The following SLCO3A1 variants were observed in gnomAD, a reference collection of about 807,000 sequenced individuals.
The protein encoded by SLCO3A1 is solute carrier organic anion transporter family member 3A1.
A neutral mutation model predicts 63.1 loss-of-function variants in SLCO3A1; 27 were observed. That is an observed-to-expected ratio of 0.43 (90% CI 0.32 to 0.59). The LOEUF (loss-of-function observed/expected upper bound fraction) is 0.59. Ranked by LOEUF, SLCO3A1 falls within the 20% of genes least tolerant of loss-of-function variation. The pLI is 0.09. For missense variants in SLCO3A1, 773 were observed against 945.8 expected (o/e 0.82, Z 2.40); for synonymous variants, 473 against 409.9 (o/e 1.15, Z -1.86).
rs1567087618 is a variant in SLCO3A1 at position 92,047,498 on chromosome 15, T to C, written c.647-47383T>C. 1.8e-4 allele frequency among the ~76,000 whole-genome samples: 7 copies of C among 38,520 alleles called. 1 individual carries two copies. The highest frequency in any genetic ancestry group is 6.4e-4 in the African/African-American group (7 of 10,922). The allele number at this position is 38,520 out of a possible 152,430, so 25.3% of individuals were successfully genotyped here. A position where few individuals can be genotyped will look rare whatever the true frequency, so the allele number is the denominator to read the frequency against. The stretch of plus-strand genomic sequence containing the variant: ...ATATATATAAATATATATATAAATA[T>C]ATATAAATATATATAAATACATAAA... On this transcript the variant is annotated intron_variant, in intron 2 of 9. Coordinates refer to ENST00000318445, the MANE Select transcript of SLCO3A1 (RefSeq NM_013272.4).
In SLCO3A1 at chr15:91,916,148, C is replaced by G; in HGVS notation, c.336C>G (p.Gly112=). Residue 112 remains glycine (G), a synonymous_variant, in exon 2 of 10, where the codon GGC becomes GGG. Coordinates refer to ENST00000318445, the MANE Select transcript of SLCO3A1 (RefSeq NM_013272.4). The surrounding 1 kb of genome is among the most constrained non-coding windows in gnomAD (Gnocchi z 6.2). ...RGHRPRLIGC[G]GIVMALGALL... The stretch of plus-strand genomic sequence containing the variant: ...ACCGGCCGCGCCTGATCGGCTGCGG[C>G]GGCATCGTCATGGCGCTGGGCGCGC... 6.2e-7 allele frequency: 1 copy of G among 1,608,136 alleles called. No individual in the cohort carries two copies.
intron 2 of SLCO3A1, among the ~76,000 whole-genome samples, chr15:91,938,740 G>C (rs1899508239): frequency 6.6e-6 from 1 of 152,176 alleles, no homozygotes; most frequent in Non-Finnish European, 1.5e-5. Flanking sequence ...CCAGGCTTCA[G>C]AATCTATGCT....
intron 2 of SLCO3A1, among the ~76,000 whole-genome samples, chr15:91,934,512 T>C (rs1028159790): frequency 3.3e-5 from 5 of 152,242 alleles, no homozygotes; most frequent in Non-Finnish European, 7.3e-5. Context: ...AAATGACTTC[T>C]TTTTAATACA....
downstream of SLCO3A1, among the ~76,000 whole-genome samples, chr15:92,167,942 A>C (rs2048502157): frequency 6.9e-6 from 1 of 145,252 alleles, no homozygotes; most frequent in African/African-American, 2.7e-5. Flanking sequence ...TTTTCTTTGC[A>C]GAGTTTATTT....
At chr15:91,985,429 T>C (rs2046039432) in intron 2 of SLCO3A1, among the ~76,000 whole-genome samples, 1 of 152,236 alleles carries the variant, frequency 6.6e-6, no homozygotes, top group Non-Finnish European at 1.5e-5. Context: ...CTGTGAGCAT[T>C]ACTGTCCCTG....
At chr15:92,130,884 G>GAAAA (rs1567135786) in intron 7 of SLCO3A1, among the ~76,000 whole-genome samples, 8 of 107,328 alleles carry the variant, frequency 7.5e-5, no homozygotes, top group Non-Finnish European at 1.0e-4. Flanking sequence ...CAAGTTCGGG[G>GAAAA]CAAAAAAAAA....
intron 9 of SLCO3A1, among the ~76,000 whole-genome samples, chr15:92,158,143 A>T (rs2048394716): frequency 6.6e-6 from 1 of 152,202 alleles, no homozygotes; most frequent in Non-Finnish European, 1.5e-5. Context: ...TTACAAAATA[A>T]GTCTCCCAGC....
At chr15:91,907,835 C>A (rs1008302017) in intron 1 of SLCO3A1, among the ~76,000 whole-genome samples, 6 of 152,112 alleles carry the variant, frequency 3.9e-5, no homozygotes, top group African/African-American at 7.2e-5. Flanking sequence ...TCCAATGAAG[C>A]CTTTCTAAGG....
Position 92,063,970 on chromosome 15 carries a change from G to C in SLCO3A1, c.647-30911G>C, listed in dbSNP as rs565765117. 5.3e-5 allele frequency among the ~76,000 whole-genome samples: 8 copies of C among 152,284 alleles called. No individual in the cohort carries two copies. The South Asian group carries it at 1.7e-3, about 32-fold the overall frequency. On this transcript the variant is annotated intron_variant, in intron 2 of 9. Transcript: ENST00000318445. ...GGAACCCTTTGAGCAGCCTATGAAA[G>C]GCTATTCCCATTTCATAGATGGGAT...
In SLCO3A1 at chr15:91,854,099, G is replaced by C; in HGVS notation, c.180+11G>C. 1 of 1,492,160 alleles carries C rather than the reference G, an allele frequency of 6.7e-7. No homozygotes were observed. The highest frequency in any genetic ancestry group is 1.9e-4 in the Middle Eastern group (1 of 5,308). 92.4% of individuals were successfully genotyped at this position (1,492,160 alleles called of 1,614,324 possible). A position where few individuals can be genotyped will look rare whatever the true frequency, so the allele number is the denominator to read the frequency against. Reference sequence around the variant, plus strand: ...GTGGGCGCCTACCTGGTGAGTCCCCGAGCCAACTCCGCCGCGGGCCCCTTC... The same window carrying C: ...GTGGGCGCCTACCTGGTGAGTCCCCCAGCCAACTCCGCCGCGGGCCCCTTC... On this transcript the variant is annotated intron_variant, in intron 1 of 9. Coordinates refer to ENST00000318445, the MANE Select transcript of SLCO3A1 (RefSeq NM_013272.4). This position sits in a 1 kb window ranked among gnomAD's most constrained non-coding sequence, Gnocchi z 6.4.
intron 2 of SLCO3A1, among the ~76,000 whole-genome samples, chr15:92,080,940 G>GTGTGTA (rs1391017103): frequency 0.035 from 2,291 of 64,724 alleles, 62 homozygotes; most frequent in African/African-American, 0.091. Context: ...CATAGTAGCT[G>GTGTGTA]TGTGTGTGTG....
chr15:92,065,232 G>T (rs1024216991), intron 2 of SLCO3A1, among the ~76,000 whole-genome samples: 1 of 152,174 alleles, frequency 6.6e-6, no homozygotes, highest in South Asian at 2.1e-4. Flanking sequence ...ACAGGCGTGT[G>T]CCATCACGCC....
At chr15:92,145,196 A>C (rs1462234096) in intron 7 of SLCO3A1, among the ~76,000 whole-genome samples, 1 of 152,176 alleles carries the variant, frequency 6.6e-6, no homozygotes, top group African/African-American at 2.4e-5. Flanking sequence ...ATGCGTGTGG[A>C]AACAGAAGCC....
At chr15:92,064,368 A>T (rs1360830935) in intron 2 of SLCO3A1, among the ~76,000 whole-genome samples, 1 of 152,208 alleles carries the variant, frequency 6.6e-6, no homozygotes, top group Non-Finnish European at 1.5e-5. Flanking sequence ...CAGTTTTCAC[A>T]TATTCTTTCC....
At chr15:92,104,956 A>G (rs944783880) in intron 4 of SLCO3A1, among the ~76,000 whole-genome samples, 12 of 151,376 alleles carry the variant, frequency 7.9e-5, no homozygotes, top group Non-Finnish European at 1.5e-5. Flanking sequence ...AGCCACCTCC[A>G]GCCGGGCGCG....
chr15:91,956,893 G>A (rs1900200717), intron 2 of SLCO3A1, among the ~76,000 whole-genome samples: 1 of 121,002 alleles, frequency 8.3e-6, no homozygotes, highest in Non-Finnish European at 1.6e-5. Flanking sequence ...GGGTTCAAGC[G>A]AATCTTCTGC....
intron 1 of SLCO3A1, 21 bp from the exon 2 acceptor site, chr15:91,915,972 C>A (rs778026866): frequency 6.3e-7 from 1 of 1,597,094 alleles, no homozygotes; most frequent in South Asian, 1.1e-5. Flanking sequence ...TGGCTCTGAC[C>A]TTTCTTCTTG....
At chr15:92,154,624 CAGGAGCTAGAAATGAAT>C (rs1286689504) in intron 9 of SLCO3A1, among the ~76,000 whole-genome samples, 1 of 152,004 alleles carries the variant, frequency 6.6e-6, no homozygotes, top group African/African-American at 2.4e-5. Context: ...GTGAAGAGGG[CAGGAGCTAGAAATGAAT>C]GTGAGATCGG....
intron 1 of SLCO3A1, among the ~76,000 whole-genome samples, chr15:91,871,022 A>T (rs1428700683): frequency 2.6e-5 from 4 of 152,032 alleles, no homozygotes; most frequent in African/African-American, 9.7e-5. Context: ...TTTGTCTTTG[A>T]CACCTACTGT....
Sources: allele counts gnomAD v4.1 joint callset (sites outside exome capture counted in the v4.1 genomes callset), GRCh38; gene constraint gnomAD v4.1.1; non-coding constraint Gnocchi (gnomAD v3.1); transcripts MANE v1.5; gene names NCBI Gene and HGNC (gene_info 2026-07-23, HGNC 2026-07-21).